Variants in TTI1 observed in about 807,000 individuals in gnomAD.
TTI1 encodes the protein TELO2-interacting protein 1 homolog.
A neutral mutation model predicts 85.4 loss-of-function variants in TTI1; 52 were observed. The observed-to-expected ratio is 0.61, with a 90% CI of 0.49 to 0.77. The LOEUF (loss-of-function observed/expected upper bound fraction) is 0.77. Ranked by LOEUF, TTI1 falls within the 30% of genes least tolerant of loss-of-function variation. TTI1 has a pLI of 0.00. For missense variants in TTI1, 1,173 were observed against 1,296.0 expected, an observed-to-expected ratio of 0.91 and a Z score of 1.46; for synonymous variants, 512 against 503.9, an observed-to-expected ratio of 1.02 and a Z score of -0.22.
At chr20:37,994,536 G>C (rs1188819096) in intron 7 of TTI1, among the ~76,000 whole-genome samples, 1 of 139,064 alleles carries the variant, frequency 7.2e-6, no homozygotes, top group Non-Finnish European at 1.5e-5. Flanking sequence ...ATTGTCTCAG[G>C]CTTCTTCTCC....
intron 7 of TTI1, among the ~76,000 whole-genome samples, chr20:37,987,805 ATTTGCCT>A (rs2073212117): frequency 6.6e-6 from 1 of 152,224 alleles, no homozygotes; most frequent in Non-Finnish European, 1.5e-5. Context: ...GCAGGCAGCC[ATTTGCCT>A]GCACTTCAGC....
At position 37,983,639 on chromosome 20, in the gene TTI1, G is replaced by A. The variant is rs745444917; in HGVS notation, c.3087C>T (p.Ser1029=). The A allele has an allele frequency of 7.3e-6, 11 of 1,514,264 alleles. No homozygotes were observed. The highest frequency in any genetic ancestry group is 5.3e-5 in the South Asian group (4 of 76,174). 93.8% of individuals were successfully genotyped at this position (1,514,264 alleles called of 1,614,324 possible). ...QPVKLQEAAR[S]VFLHLMKVDP... Reference sequence around the variant, plus strand: ...CCACCTTCATCAAGTGGAGGAAGACGCTGTGGAGAGATGGAAAGGAGTGAG... The same window carrying A: ...CCACCTTCATCAAGTGGAGGAAGACACTGTGGAGAGATGGAAAGGAGTGAG... The change falls in exon 8 of 8, where the codon AGC becomes AGT. Residue 1029 remains serine, a splice_region_variant and synonymous_variant. Coordinates refer to ENST00000373447, the MANE Select transcript of TTI1 (RefSeq NM_001303457.2).
chr20:38,012,116 T>C lies in TTI1; in HGVS notation c.1701A>G (p.Gln567=). 2 of 1,614,222 alleles carry C rather than the reference T, an allele frequency of 1.2e-6. No homozygotes were observed. The highest frequency in any genetic ancestry group is 1.6e-4 in the Middle Eastern group (1 of 6,062). The change falls in exon 2 of 8, where the codon CAA becomes CAG. Residue 567 remains glutamine, a synonymous_variant. Transcript: ENST00000373447. The part of the protein sequence containing the change: ...VTSILEEYTS[Q]ENWYLVTCLE... Reference sequence around the variant, plus strand: ...GACAGGTAACCAAATACCAATTTTCTTGACTTGTGTATTCTTCAAGTATAG... The same window carrying C: ...GACAGGTAACCAAATACCAATTTTCCTGACTTGTGTATTCTTCAAGTATAG...
At chr20:38,024,519 C>T (rs1380513453) in intron 1 of TTI1, among the ~76,000 whole-genome samples, 1 of 152,086 alleles carries the variant, frequency 6.6e-6, no homozygotes, top group African/African-American at 2.4e-5. Flanking sequence ...AAGAAGCTGG[C>T]AACCTGGAAG....
intron 1 of TTI1, among the ~76,000 whole-genome samples, chr20:38,030,172 G>C (rs1034229219): frequency 2.4e-4 from 35 of 145,022 alleles, no homozygotes; most frequent in Admixed American, 2.2e-3. Context: ...TAAATAAACT[G>C]AATTTGTCAC....
chr20:38,006,403 A>G lies in TTI1; in HGVS notation c.2303-6T>C. The G allele has an allele frequency of 6.2e-7, 1 of 1,614,082 alleles. No individual in the cohort carries two copies. The highest frequency in any genetic ancestry group is 8.5e-7 in the Non-Finnish European group (1 of 1,180,002). Reference sequence around the variant, plus strand: ...TGTGTCTGGGAACCACTGGGCTGTAAATAAAGTGTTACAATGATCACCTTG... The same window carrying G: ...TGTGTCTGGGAACCACTGGGCTGTAGATAAAGTGTTACAATGATCACCTTG... On this transcript the variant is annotated splice_region_variant and splice_polypyrimidine_tract_variant and intron_variant, in intron 2 of 7. Coordinates refer to ENST00000373447, the MANE Select transcript of TTI1 (RefSeq NM_001303457.2).
chr20:38,023,382 G>A (rs1160277466), intron 1 of TTI1, among the ~76,000 whole-genome samples: 1 of 152,240 alleles, frequency 6.6e-6, no homozygotes, highest in Non-Finnish European at 1.5e-5. Context: ...AATCAATGTG[G>A]TGGGGGAGCA....
intron 6 of TTI1, 87 bp from the exon 7 acceptor site, chr20:37,996,549 C>A: frequency 3.3e-6 from 5 of 1,511,228 alleles, no homozygotes; most frequent in South Asian, 1.1e-5. Flanking sequence ...GAAACTGCAA[C>A]AGCTAGGCAA....
intron 7 of TTI1, among the ~76,000 whole-genome samples, chr20:37,992,949 G>A (rs953969922): frequency 2.6e-5 from 4 of 152,114 alleles, no homozygotes; most frequent in Admixed American, 6.5e-5. Context: ...AGATGGGGGT[G>A]TGGCTGATCT....
At chr20:38,020,323 A>ATATATATATATATATATATATATATAT (rs1555795789) in intron 1 of TTI1, among the ~76,000 whole-genome samples, 10 of 50,380 alleles carry the variant, frequency 2.0e-4, no homozygotes, top group East Asian at 5.7e-4. Context: ...AAAAAAAAAA[A>ATATATATATATATATATATATATATAT]ATATATATAT....
chr20:38,019,734 C>G (rs1362608307), intron 1 of TTI1, among the ~76,000 whole-genome samples: 1 of 152,238 alleles, frequency 6.6e-6, no homozygotes, highest in Non-Finnish European at 1.5e-5. Flanking sequence ...TGCAGAGTTT[C>G]TCAACAGCAG....
chr20:37,999,187 C>A lies in TTI1; in HGVS notation c.2793+1G>T. 7.0e-7 allele frequency: 1 copy of A among 1,437,296 alleles called. No homozygotes were observed. The highest frequency in any genetic ancestry group is 9.2e-7 in the Non-Finnish European group (1 of 1,088,090). 89.0% of individuals were successfully genotyped at this position (1,437,296 alleles called of 1,614,324 possible). A position where few individuals can be genotyped will look rare whatever the true frequency, so the allele number is the denominator to read the frequency against. Reference sequence around the variant, plus strand: ...GACCATGGGGGATGCTGGTGCAGTACCTTGAAGGCTCTAAGCACTGCCAGG... The same window carrying A: ...GACCATGGGGGATGCTGGTGCAGTAACTTGAAGGCTCTAAGCACTGCCAGG... On this transcript the variant is annotated splice_donor_variant, in intron 5 of 7. Coordinates refer to ENST00000373447, the MANE Select transcript of TTI1 (RefSeq NM_001303457.2). LOFTEE classifies it high-confidence loss of function.
rs577023477 is a variant in TTI1 at position 38,030,976 on chromosome 20, C to G, written c.-42+2428G>C. ...CTTAGGCCAAAACCCTTGGAGCTAT[C>G]TCAACTCTCATATGTCTTTCACACC... On this transcript the variant is annotated intron_variant, in intron 1 of 7. Transcript: ENST00000373447. 1.1e-3 allele frequency among the ~76,000 whole-genome samples: 169 copies of G among 152,320 alleles called. 1 individual carries two copies. The highest frequency in any genetic ancestry group is 4.0e-3 in the African/African-American group (165 of 41,558).
chr20:38,027,324 C>T (rs1262276154), intron 1 of TTI1, among the ~76,000 whole-genome samples: 1 of 152,144 alleles, frequency 6.6e-6, no homozygotes, highest in Non-Finnish European at 1.5e-5. Flanking sequence ...GTTATGTAAA[C>T]AGTTGTTACA....
intron 1 of TTI1, among the ~76,000 whole-genome samples, chr20:38,027,546 A>C (rs1305103911): frequency 6.6e-6 from 1 of 152,214 alleles, no homozygotes; most frequent in African/African-American, 2.4e-5. Context: ...TAACATAAAC[A>C]GTTGTTTAAC....
chr20:37,993,979 T>C (rs1033975975), intron 7 of TTI1, among the ~76,000 whole-genome samples: 1 of 152,092 alleles, frequency 6.6e-6, no homozygotes, highest in Non-Finnish European at 1.5e-5. Context: ...TTTGGAGGTG[T>C]CGTTTTGAGA....
chr20:37,995,200 G>C (rs528421672), intron 7 of TTI1, among the ~76,000 whole-genome samples: 4 of 152,178 alleles, frequency 2.6e-5, no homozygotes, highest in Non-Finnish European at 5.9e-5. Context: ...ATGAAACTAT[G>C]ACTGATTCTG....
intron 6 of TTI1, 94 bp from the exon 7 acceptor site, chr20:37,996,556 G>A: frequency 6.7e-7 from 1 of 1,486,006 alleles, no homozygotes; most frequent in Non-Finnish European, 9.3e-7. Context: ...CAACAGCTAG[G>A]CAAGATGCTC....
In TTI1 at chr20:38,013,227, A is replaced by G. The variant is rs760181768; in HGVS notation, c.590T>C (p.Leu197Pro). ...CQDHPRSLDE[L>P]EQKQLGDLFA... ...CAAATCCCCCAGCTGCTTTTGTTCA[A>G]GTTCATCCAATGACCTTGGATGGTC... The change falls in exon 2 of 8, where the codon CTT becomes CCT. Residue 197 changes from leucine (L) to proline (P), a missense_variant. Leu to Pro is a moderately conservative substitution (Grantham distance 98). Transcript: ENST00000373447. 2 of 1,614,102 alleles carry G rather than the reference A, an allele frequency of 1.2e-6. No homozygotes were observed. Among genetic ancestry groups the G allele is most frequent in the East Asian group, 4.5e-5 (2 of 44,884 alleles).
Sources: allele counts gnomAD v4.1 joint callset (sites outside exome capture counted in the v4.1 genomes callset), GRCh38; gene constraint gnomAD v4.1.1; transcripts MANE v1.5; gene names NCBI Gene and HGNC (gene_info 2026-07-23, HGNC 2026-07-21).